The following CNOT2 variants were observed in gnomAD, a reference collection of about 807,000 sequenced individuals.
CNOT2 encodes CC chemokine receptor 4-negative regulator of transcription 2.
A neutral mutation model predicts 72.1 loss-of-function variants in CNOT2; 7 were observed. The observed-to-expected ratio is 0.10, with a 90% CI of 0.06 to 0.18. The LOEUF (loss-of-function observed/expected upper bound fraction) is 0.18, where lower values mean the gene tolerates loss of function less well. CNOT2 is among the 10% of genes least tolerant of loss of function. The pLI is 1.00. For synonymous variants in CNOT2, 196 were observed against 225.6 expected (o/e 0.87, Z 1.17); for missense variants, 345 against 660.3 (o/e 0.52, Z 5.23).
At chr12:70,295,705 A>G (rs1872702036) in intron 2 of CNOT2, among the ~76,000 whole-genome samples, 2 of 152,194 alleles carry the variant, frequency 1.3e-5, no homozygotes, top group Admixed American at 6.5e-5. Flanking sequence ...CTTACTGCTC[A>G]TAAGAGGTAC....
At chr12:70,322,853 C>T (rs536031320) in intron 4 of CNOT2, 1 of 151,710 alleles carries the variant, frequency 6.6e-6, no homozygotes, top group Non-Finnish European at 1.5e-5. Flanking sequence ...AATTGTAGGA[C>T]CATTGAACAG....
At chr12:70,335,239 T>C in intron 7 of CNOT2, 199 bp from the exon 8 acceptor site, 1 of 450,578 alleles carries the variant, frequency 2.2e-6, no homozygotes, top group Non-Finnish European at 4.0e-6. Context: ...TGCGTATTCC[T>C]TTGCTAAATT....
chr12:70,281,330 G>T (rs1463952736), intron 2 of CNOT2, among the ~76,000 whole-genome samples: 1 of 152,050 alleles, frequency 6.6e-6, no homozygotes, highest in Non-Finnish European at 1.5e-5. Flanking sequence ...TGATCTGCCC[G>T]CCTTGGCCTC....
chr12:70,247,435 C>T (rs893783222), intron 1 of CNOT2, among the ~76,000 whole-genome samples: 1 of 152,170 alleles, frequency 6.6e-6, no homozygotes, highest in Admixed American at 6.5e-5. Context: ...GGATTACAGG[C>T]ATGAGCCACC....
chr12:70,302,354 G>T (rs1012612731), intron 2 of CNOT2, among the ~76,000 whole-genome samples: 1 of 150,928 alleles, frequency 6.6e-6, no homozygotes, highest in Admixed American at 6.6e-5. Flanking sequence ...TGGGCATTTA[G>T]TGCTATAAAT....
intron 2 of CNOT2, among the ~76,000 whole-genome samples, chr12:70,282,275 T>C (rs1265754847): frequency 1.3e-5 from 2 of 152,188 alleles, no homozygotes; most frequent in Non-Finnish European, 1.5e-5. Context: ...TCACATCATA[T>C]GCTAGCTAAT....
At chr12:70,331,934 T>G (rs909600808) in intron 6 of CNOT2, among the ~76,000 whole-genome samples, 1 of 151,790 alleles carries the variant, frequency 6.6e-6, no homozygotes, top group African/African-American at 2.4e-5. Context: ...CTGTTGACAC[T>G]CTTAATTATT....
At chr12:70,246,635 G>C (rs139356541) in intron 1 of CNOT2, among the ~76,000 whole-genome samples, 1 of 152,308 alleles carries the variant, frequency 6.6e-6, no homozygotes, top group East Asian at 1.9e-4. Context: ...ACTTATATCA[G>C]ATATTTTGAA....
chr12:70,279,993 A>G (rs934679729), intron 2 of CNOT2, among the ~76,000 whole-genome samples: 1 of 152,008 alleles, frequency 6.6e-6, no homozygotes, highest in African/African-American at 2.4e-5. Flanking sequence ...CTCTTCGTTT[A>G]TTGATACATA....
intron 1 of CNOT2, among the ~76,000 whole-genome samples, chr12:70,254,564 G>A (rs534722960): frequency 3.3e-5 from 5 of 152,252 alleles, no homozygotes; most frequent in African/African-American, 7.2e-5. Flanking sequence ...AGAAGAAACC[G>A]CGGATAAGGG....
chr12:70,334,827 A>G (rs577055628), intron 7 of CNOT2: 45 of 152,240 alleles, frequency 3.0e-4, no homozygotes, highest in African/African-American at 1.0e-3. Context: ...TCATATTTCT[A>G]TATTTCCTAT....
rs545004853 is a variant in CNOT2, at chr12:70,278,180, A to G, written c.-47A>G. On this transcript the variant is annotated 5_prime_UTR_variant, in exon 2 of 16. Transcript: ENST00000229195. Reference sequence around the variant, plus strand: ...TCCTGTGACACGACCCTTGAGTGACAGTTCTATTTGATTGCCTCCGGTACT... The same window carrying G: ...TCCTGTGACACGACCCTTGAGTGACGGTTCTATTTGATTGCCTCCGGTACT... The G allele has an allele frequency of 6.7e-5, 85 of 1,277,358 alleles. No individual in the cohort carries two copies. Among genetic ancestry groups the G allele is most frequent in the Admixed American group, 9.3e-5 (5 of 53,800 alleles). The allele number at this position is 1,277,358 out of a possible 1,614,324, so 79.1% of individuals were successfully genotyped here.
At chr12:70,284,052 C>T (rs1017925366) in intron 2 of CNOT2, among the ~76,000 whole-genome samples, 1 of 149,912 alleles carries the variant, frequency 6.7e-6, no homozygotes, top group Non-Finnish European at 1.5e-5. Context: ...AGCGATTCTC[C>T]TGCCTCAGCC....
Position 70,337,531 on chromosome 12 carries a change from G to A in CNOT2, c.900+18G>A, listed in dbSNP as rs537935006. ...GTAAATCTGTAAGTAACTGAGAAGTGTGTATGTGAGTGATGTAGTTTTTCC... is the reference window on the plus strand; with the variant it reads ...GTAAATCTGTAAGTAACTGAGAAGTATGTATGTGAGTGATGTAGTTTTTCC... On this transcript the variant is annotated intron_variant, in intron 9 of 15. Transcript: ENST00000229195. 1.2e-5 allele frequency: 20 copies of A among 1,606,492 alleles called. No homozygotes were observed. The highest frequency in any genetic ancestry group is 2.7e-5 in the African/African-American group (2 of 74,682).
chr12:70,260,087 G>T (rs1203681433), intron 1 of CNOT2, among the ~76,000 whole-genome samples: 1 of 152,086 alleles, frequency 6.6e-6, no homozygotes, highest in African/African-American at 2.4e-5. Context: ...AGGAATTTTT[G>T]AGAATCCTCC....
chr12:70,353,004 G>A (rs557473922), intron 15 of CNOT2, among the ~76,000 whole-genome samples: 3 of 151,710 alleles, frequency 2.0e-5, no homozygotes, highest in Non-Finnish European at 4.4e-5. Context: ...TGCAAGTCTA[G>A]TGATGTGTGA....
At chr12:70,262,685 G>GT (rs1213679942) in intron 1 of CNOT2, among the ~76,000 whole-genome samples, 1 of 151,060 alleles carries the variant, frequency 6.6e-6, no homozygotes, top group East Asian at 2.0e-4. Flanking sequence ...GGTTATTTGT[G>GT]TTTTTTGCGA....
At chr12:70,268,203 C>G (rs901680651) in intron 1 of CNOT2, among the ~76,000 whole-genome samples, 1 of 151,902 alleles carries the variant, frequency 6.6e-6, no homozygotes, top group African/African-American at 2.4e-5. Flanking sequence ...TTTATTTCAC[C>G]TTTGTTTTTG....
rs148455746 is a variant in CNOT2, at chr12:70,340,813, C to G, written c.1179-1294C>G. 8.7e-3 allele frequency among the ~76,000 whole-genome samples: 1,326 copies of G among 151,720 alleles called. 20 individuals carry two copies. The highest frequency in any genetic ancestry group is 0.03 in the African/African-American group (1,230 of 41,354). On this transcript the variant is annotated intron_variant, in intron 11 of 15. Transcript: ENST00000229195. ...CTCTTCATATAACAGCCAAGACAAT[C>G]CTTTTTTAATACATTACTCCTCTGC...
Sources: gnomAD v4.1 joint callset for allele counts (sites outside exome capture counted in the v4.1 genomes callset) on GRCh38, gnomAD v4.1.1 for gene constraint, MANE v1.5 for transcripts, NCBI Gene and HGNC (gene_info 2026-07-23, HGNC 2026-07-21) for gene names.